The following CELF4 variants were observed in gnomAD, a reference collection of about 807,000 sequenced individuals.
The protein encoded by CELF4 is CUG-BP- and ETR-3-like factor 4.
CELF4 carries 18 observed loss-of-function variants against 59.9 expected under a neutral mutation model. That is an observed-to-expected ratio of 0.30 (90% CI 0.21 to 0.45). The LOEUF is 0.45. Ranked by LOEUF, CELF4 falls within the 20% of genes least tolerant of loss-of-function variation. The pLI, the probability that CELF4 is intolerant of heterozygous loss-of-function variation, is 1.00. For synonymous variants in CELF4, 261 were observed against 267.1 expected (o/e 0.98, Z 0.22); for missense variants, 456 against 689.0 (o/e 0.66, Z 3.79).
chr18:37,289,711 T>C (rs59801515), intron 3 of CELF4, among the ~76,000 whole-genome samples: 3 of 152,298 alleles, frequency 2.0e-5, no homozygotes, highest in African/African-American at 7.2e-5. Flanking sequence ...TACTGTTTGA[T>C]AGATGAGTTA....
intron 3 of CELF4, among the ~76,000 whole-genome samples, chr18:37,314,666 C>T (rs2096798184): frequency 6.9e-6 from 1 of 145,432 alleles, no homozygotes; most frequent in Admixed American, 6.8e-5. Flanking sequence ...CTGCCAGGGC[C>T]CCCTTCCTGG....
intron 3 of CELF4, among the ~76,000 whole-genome samples, chr18:37,304,122 C>T (rs1297405104): frequency 6.6e-6 from 1 of 152,220 alleles, no homozygotes; most frequent in Non-Finnish European, 1.5e-5. Context: ...TTGTCTGAAC[C>T]TCACCATTTT....
chr18:37,301,611 G>A (rs1365117785), intron 3 of CELF4, among the ~76,000 whole-genome samples: 1 of 152,148 alleles, frequency 6.6e-6, no homozygotes, highest in Non-Finnish European at 1.5e-5. Flanking sequence ...CTCCTCCTCT[G>A]GGCTGCCCTT....
chr18:37,336,370 TAG>T (rs1194894063), intron 2 of CELF4, among the ~76,000 whole-genome samples: 1 of 152,194 alleles, frequency 6.6e-6, no homozygotes, highest in African/African-American at 2.4e-5. Context: ...TAATTATTTG[TAG>T]AGAAGGGGTC....
At chr18:37,343,312 G>A (rs906724233) in intron 2 of CELF4, among the ~76,000 whole-genome samples, 28 of 149,886 alleles carry the variant, frequency 1.9e-4, no homozygotes, top group Admixed American at 1.9e-3. Flanking sequence ...CCATTGTGTT[G>A]AGAATGGGTG....
chr18:37,565,075 C>A (rs1222595804), intron 1 of CELF4, among the ~76,000 whole-genome samples: 1 of 152,124 alleles, frequency 6.6e-6, no homozygotes, highest in Non-Finnish European at 1.5e-5. Flanking sequence ...AAAATCCAAG[C>A]CCCGTCTCCT....
chr18:37,408,390 A>G (rs2099404596), intron 2 of CELF4, among the ~76,000 whole-genome samples: 1 of 151,358 alleles, frequency 6.6e-6, no homozygotes, highest in African/African-American at 2.4e-5. Context: ...CAAGCACCCA[A>G]CTTTCCAGGA....
At chr18:37,325,110 A>G (rs2097259463) in intron 2 of CELF4, among the ~76,000 whole-genome samples, 1 of 152,126 alleles carries the variant, frequency 6.6e-6, no homozygotes, top group South Asian at 2.1e-4. Flanking sequence ...GAGAAGGGGC[A>G]GGCACAGGGG....
At chr18:37,280,470 G>T (rs1371360527) in intron 3 of CELF4, among the ~76,000 whole-genome samples, 1 of 152,186 alleles carries the variant, frequency 6.6e-6, no homozygotes, top group African/African-American at 2.4e-5. Flanking sequence ...TGGTCTATGG[G>T]CCCAGAGCCT....
intron 2 of CELF4, among the ~76,000 whole-genome samples, chr18:37,374,119 A>G (rs1384329147): frequency 6.6e-6 from 1 of 152,212 alleles, no homozygotes; most frequent in African/African-American, 2.4e-5. Context: ...CACTGAGATC[A>G]CAGGTGGCTA....
chr18:37,269,772 A>G, intron 8 of CELF4, among the ~76,000 whole-genome samples: 1 of 152,186 alleles, frequency 6.6e-6, no homozygotes, highest in East Asian at 1.9e-4. Context: ...TTCAAGTCTG[A>G]GAACACTCAC....
At chr18:37,363,316 C>G (rs1411298898) in intron 2 of CELF4, among the ~76,000 whole-genome samples, 1 of 152,200 alleles carries the variant, frequency 6.6e-6, no homozygotes, top group Non-Finnish European at 1.5e-5. Flanking sequence ...AATTTATCAC[C>G]TACCAGGACA....
At position 37,253,663 on chromosome 18, in the gene CELF4, C is replaced by G; in HGVS notation, c.*44+104G>C. On this transcript the variant is annotated intron_variant, in intron 12 of 12. Transcript: ENST00000420428. The surrounding 1 kb of genome is among the most constrained non-coding windows in gnomAD (Gnocchi z 4.5). ...GCAGGTTGAGCCGGGCGCAGCGGGT[C>G]CAAGGCACCAGTGAGGGTCCGGCCC... 1.2e-6 allele frequency: 1 copy of G among 844,186 alleles called. No individual in the cohort carries two copies. Among genetic ancestry groups the G allele is most frequent in the East Asian group, 3.2e-5 (1 of 31,540 alleles). 52.3% of individuals were successfully genotyped at this position (844,186 alleles called of 1,614,324 possible). A position where few individuals can be genotyped will look rare whatever the true frequency, so the allele number is the denominator to read the frequency against.
chr18:37,401,487 T>C (rs1341071595), intron 2 of CELF4, among the ~76,000 whole-genome samples: 1 of 152,168 alleles, frequency 6.6e-6, no homozygotes, highest in Non-Finnish European at 1.5e-5. Flanking sequence ...CAATACTAAC[T>C]GAAGGTCACT....
chr18:37,271,411 G>A (rs2091227351), intron 7 of CELF4, among the ~76,000 whole-genome samples: 1 of 151,930 alleles, frequency 6.6e-6, no homozygotes, highest in African/African-American at 2.4e-5. Flanking sequence ...TGCACCACCA[G>A]GCCCAGCTAA....
chr18:37,270,285 G>A (rs527997342), intron 8 of CELF4, among the ~76,000 whole-genome samples: 4 of 152,352 alleles, frequency 2.6e-5, no homozygotes, highest in African/African-American at 9.6e-5. Context: ...CCATGATCGC[G>A]CTTTTGTGTG....
intron 2 of CELF4, among the ~76,000 whole-genome samples, chr18:37,474,673 A>C (rs531291990): frequency 5.5e-4 from 84 of 152,246 alleles, no homozygotes; most frequent in Non-Finnish European, 1.0e-3. Context: ...AATATTTGTG[A>C]AGTGTCTGGC....
intron 12 of CELF4, among the ~76,000 whole-genome samples, chr18:37,251,515 C>A (rs1448588769): frequency 6.6e-6 from 1 of 152,176 alleles, no homozygotes; most frequent in Non-Finnish European, 1.5e-5. Context: ...CTTGGAATCT[C>A]GGGACATGAC....
intron 2 of CELF4, among the ~76,000 whole-genome samples, chr18:37,334,896 C>G (rs928918503): frequency 6.6e-6 from 1 of 152,104 alleles, no homozygotes; most frequent in Non-Finnish European, 1.5e-5. Flanking sequence ...CCTGATGATG[C>G]CGGCCAAGCA....
Sources: allele counts gnomAD v4.1 joint callset (sites outside exome capture counted in the v4.1 genomes callset), GRCh38; gene constraint gnomAD v4.1.1; non-coding constraint Gnocchi (gnomAD v3.1); transcripts MANE v1.5; gene names NCBI Gene and HGNC (gene_info 2026-07-23, HGNC 2026-07-21).